The following KCNN3 variants were observed in gnomAD, a reference collection of about 807,000 sequenced individuals.
The protein encoded by KCNN3 is small conductance calcium-activated potassium channel protein 3.
A neutral mutation model predicts 62.9 loss-of-function variants in KCNN3; 16 were observed. The ratio of observed to expected loss-of-function variants is 0.25; its 90% confidence interval spans 0.17 to 0.39. KCNN3 has a LOEUF of 0.39. KCNN3 is among the 10% of genes least tolerant of loss of function. The pLI is 1.00. For synonymous variants in KCNN3, 370 were observed against 389.2 expected (o/e 0.95, Z 0.58); for missense variants, 599 against 949.4 (o/e 0.63, Z 4.85).
chr1:154,825,283 T>C (rs1401032131), intron 1 of KCNN3, among the ~76,000 whole-genome samples: 3 of 152,104 alleles, frequency 2.0e-5, no homozygotes, highest in Non-Finnish European at 4.4e-5. Flanking sequence ...TTCTGCCCCG[T>C]GACTCAGAAC....
intron 1 of KCNN3, among the ~76,000 whole-genome samples, chr1:154,830,069 C>T (rs1250484546): frequency 2.0e-5 from 3 of 152,074 alleles, no homozygotes; most frequent in South Asian, 2.1e-4. Flanking sequence ...ATTAGTTGAA[C>T]GTTGAATATT....
At chr1:154,854,389 C>G (rs1652432690) in intron 1 of KCNN3, among the ~76,000 whole-genome samples, 1 of 152,072 alleles carries the variant, frequency 6.6e-6, no homozygotes, top group African/African-American at 2.4e-5. Context: ...TGTCTTTTTC[C>G]TGTTATCTAA....
chr1:154,703,205 C>A lies in KCNN3; in HGVS notation c.*4771G>T, dbSNP rs970901412. The A allele has an allele frequency of 2.0e-5, 3 of 152,122 alleles. No individual in the cohort carries two copies. Among genetic ancestry groups the A allele is most frequent in the African/African-American group, 7.2e-5 (3 of 41,420 alleles). 9.4% of individuals were successfully genotyped at this position (152,122 alleles called of 1,614,324 possible). A position where few individuals can be genotyped will look rare whatever the true frequency, so the allele number is the denominator to read the frequency against. The stretch of plus-strand genomic sequence containing the variant: ...TAATTTCTATTCATGCAGCCTGGCA[C>A]AAGCTTTCTACTACCACAAGCAGAC... On this transcript the variant is annotated 3_prime_UTR_variant, in exon 8 of 8. Coordinates refer to ENST00000271915, the MANE Select transcript of KCNN3 (RefSeq NM_002249.6).
At chr1:154,783,559 C>G (rs1410163701) in intron 2 of KCNN3, among the ~76,000 whole-genome samples, 2 of 152,238 alleles carry the variant, frequency 1.3e-5, no homozygotes, top group Non-Finnish European at 2.9e-5. Flanking sequence ...CTTATGCACC[C>G]CAGCATGTTT....
chr1:154,805,897 G>A (rs1650155354), intron 2 of KCNN3, among the ~76,000 whole-genome samples: 1 of 152,194 alleles, frequency 6.6e-6, no homozygotes, highest in Non-Finnish European at 1.5e-5. Flanking sequence ...AATTAAGGCC[G>A]CTAATCAGTT....
chr1:154,755,933 G>A lies in KCNN3; in HGVS notation c.1448+16042C>T, dbSNP rs556582343. Among the ~76,000 whole-genome samples, 4 of 141,050 alleles carry A rather than the reference G, an allele frequency of 2.8e-5. 1 individual carries two copies. Among genetic ancestry groups the A allele is most frequent in the African/African-American group, 1.1e-4 (4 of 35,640 alleles). 92.5% of individuals were successfully genotyped at this position (141,050 alleles called of 152,430 possible). ...GAAGAAGAAGAGAAGAAGAAGAGGT[G>A]GAGGATGGGGAGGGGAGGAGGAGGA... On this transcript the variant is annotated intron_variant, in intron 3 of 7. Coordinates refer to ENST00000271915, the MANE Select transcript of KCNN3 (RefSeq NM_002249.6).
chr1:154,826,749 A>G (rs1651150999), intron 1 of KCNN3, among the ~76,000 whole-genome samples: 1 of 152,240 alleles, frequency 6.6e-6, no homozygotes, highest in South Asian at 2.1e-4. Context: ...TTCCAAAAAC[A>G]GGCCAGAACT....
At chr1:154,850,269 G>C (rs1373879436) in intron 1 of KCNN3, among the ~76,000 whole-genome samples, 1 of 152,184 alleles carries the variant, frequency 6.6e-6, no homozygotes, top group Non-Finnish European at 1.5e-5. Context: ...CAATGAAACA[G>C]ATAAACTCAA....
chr1:154,785,421 C>T (rs1444080288), intron 2 of KCNN3, among the ~76,000 whole-genome samples: 2 of 152,036 alleles, frequency 1.3e-5, no homozygotes, highest in African/African-American at 4.8e-5. Context: ...GACTAAAAGG[C>T]CCTTCACCTC....
chr1:154,833,090 C>T (rs539447658), intron 1 of KCNN3, among the ~76,000 whole-genome samples: 60 of 152,254 alleles, frequency 3.9e-4, no homozygotes, highest in African/African-American at 1.3e-3. Flanking sequence ...CCTTTCCTCC[C>T]TCCAGCCCTT....
rs561279084 is a variant in KCNN3 at position 154,704,678 on chromosome 1, G to C, written c.*3298C>G. ...TGAGTTGTCAGAAAGATTATAGTAG[G>C]GGATCTGCCATTGGGTCAGTCCTCT... is the stretch of plus-strand genomic sequence containing the variant. On this transcript the variant is annotated 3_prime_UTR_variant, in exon 8 of 8. Transcript: ENST00000271915. The C allele has an allele frequency of 6.6e-6, 1 of 152,104 alleles. No homozygotes were observed. Among genetic ancestry groups the C allele is most frequent in the Non-Finnish European group, 1.5e-5 (1 of 68,022 alleles). The allele number at this position is 152,104 out of a possible 1,614,324, so 9.4% of individuals were successfully genotyped here.
intron 1 of KCNN3, among the ~76,000 whole-genome samples, chr1:154,852,051 A>G (rs1305863631): frequency 6.6e-6 from 1 of 152,248 alleles, no homozygotes; most frequent in Non-Finnish European, 1.5e-5. Flanking sequence ...GTCCAGTGTG[A>G]GGACACGAGC....
At chr1:154,791,301 T>TC (rs397938886) in intron 2 of KCNN3, among the ~76,000 whole-genome samples, 1 of 147,902 alleles carries the variant, frequency 6.8e-6, no homozygotes, top group Non-Finnish European at 1.5e-5. Context: ...TTTTTTTTTT[T>TC]CTCAAAAAGA....
At chr1:154,790,455 AT>A (rs1649465794) in intron 2 of KCNN3, among the ~76,000 whole-genome samples, 1 of 152,232 alleles carries the variant, frequency 6.6e-6, no homozygotes, top group Non-Finnish European at 1.5e-5. Flanking sequence ...ATTAGCCTAC[AT>A]TTGAGCAAAA....
At position 154,772,130 on chromosome 1, in the gene KCNN3, A is replaced by G; in HGVS notation, c.1293T>C (p.Asp431=). The change falls in exon 3 of 8, where the codon GAT becomes GAC. Residue 431 remains aspartate, a synonymous_variant. Coordinates refer to ENST00000271915, the MANE Select transcript of KCNN3 (RefSeq NM_002249.6). The surrounding 1 kb of genome is among the most constrained non-coding windows in gnomAD (Gnocchi z 5.6). ...GGGCCCCGATGCTGCGGGACGAGGC[A>G]TCGGTGAAGAGCTTGCTGTGCAGCA... is the stretch of plus-strand genomic sequence containing the variant. ...VMLLHSKLFT[D]ASSRSIGALN... 2.5e-6 allele frequency: 4 copies of G among 1,614,238 alleles called. No individual in the cohort carries two copies. Among genetic ancestry groups the G allele is most frequent in the Non-Finnish European group, 3.4e-6 (4 of 1,180,050 alleles).
intron 2 of KCNN3, among the ~76,000 whole-genome samples, chr1:154,808,421 C>T (rs748506694): frequency 1.3e-5 from 2 of 152,184 alleles, no homozygotes; most frequent in Non-Finnish European, 2.9e-5. Flanking sequence ...CCATGACCAT[C>T]TCAGATGCCC....
intron 2 of KCNN3, among the ~76,000 whole-genome samples, chr1:154,815,590 G>A (rs564565404): frequency 2.0e-5 from 3 of 152,200 alleles, no homozygotes; most frequent in Non-Finnish European, 4.4e-5. Flanking sequence ...TTTATTTCTG[G>A]ATTCTCAATG....
At position 154,705,963 on chromosome 1, in the gene KCNN3, T is replaced by C. The variant is rs900191537; in HGVS notation, c.*2013A>G. 2.0e-5 allele frequency: 3 copies of C among 152,142 alleles called. No homozygotes were observed. Among genetic ancestry groups the C allele is most frequent in the Admixed American group, 2.0e-4 (3 of 15,266 alleles). The allele number at this position is 152,142 out of a possible 1,614,324, so 9.4% of individuals were successfully genotyped here. A position where few individuals can be genotyped will look rare whatever the true frequency, so the allele number is the denominator to read the frequency against. On this transcript the variant is annotated 3_prime_UTR_variant, in exon 8 of 8. Coordinates refer to ENST00000271915, the MANE Select transcript of KCNN3 (RefSeq NM_002249.6). ...TCACTGAAAACAGGAGCACCATTCT[T>C]GGGACATGAAACAAGGAGGAGGGGA...
At chr1:154,835,178 G>A (rs1316761270) in intron 1 of KCNN3, among the ~76,000 whole-genome samples, 1 of 152,200 alleles carries the variant, frequency 6.6e-6, no homozygotes, top group Non-Finnish European at 1.5e-5. Context: ...TCTCCCAGTC[G>A]AGGGTTCCCA....
Sources: gnomAD v4.1 joint callset for allele counts (sites outside exome capture counted in the v4.1 genomes callset) on GRCh38, gnomAD v4.1.1 for gene constraint, Gnocchi (gnomAD v3.1) non-coding constraint, MANE v1.5 for transcripts, NCBI Gene and HGNC (gene_info 2026-07-23, HGNC 2026-07-21) for gene names.